Variants in PRIM2 observed in about 807,000 individuals in gnomAD.
PRIM2 encodes the protein DNA primase subunit 2.
A neutral mutation model predicts 67.3 loss-of-function variants in PRIM2; 39 were observed. That is an observed-to-expected ratio of 0.58 (90% CI 0.45 to 0.76). The LOEUF (loss-of-function observed/expected upper bound fraction) is 0.76, where lower values mean the gene tolerates loss of function less well. PRIM2 is among the 30% of genes least tolerant of loss of function. PRIM2 has a pLI of 0.00. For synonymous variants in PRIM2, 143 were observed against 198.7 expected (o/e 0.72, Z 2.36); for missense variants, 398 against 598.7 (o/e 0.66, Z 3.50).
intron 7 of PRIM2, among the ~76,000 whole-genome samples, chr6:57,443,904 T>C (rs974423815): frequency 1.1e-4 from 17 of 152,162 alleles, no homozygotes; most frequent in African/African-American, 3.1e-4. Context: ...TCTGGTCTTA[T>C]GTTTAAGTCT....
chr6:57,272,359 T>C, the PRIM2 span, among the ~76,000 whole-genome samples: 1 of 152,370 alleles, frequency 6.6e-6, no homozygotes, highest in South Asian at 2.1e-4. Context: ...CTTATTGAAT[T>C]GATCCCTTTA....
intron 10 of PRIM2, among the ~76,000 whole-genome samples, chr6:57,557,733 A>G (rs1775542616): frequency 2.0e-5 from 3 of 152,084 alleles, no homozygotes; most frequent in African/African-American, 4.8e-5. Flanking sequence ...GAGTTTACCT[A>G]TATAACAAAC....
At chr6:57,402,196 T>C (rs1770735025) in intron 7 of PRIM2, among the ~76,000 whole-genome samples, 1 of 152,142 alleles carries the variant, frequency 6.6e-6, no homozygotes, top group Non-Finnish European at 1.5e-5. Context: ...TACCTGGAGG[T>C]ATCAACAGTG....
the PRIM2 span, among the ~76,000 whole-genome samples, chr6:57,278,654 A>G: frequency 1.3e-5 from 2 of 152,162 alleles, no homozygotes; most frequent in African/African-American, 4.8e-5. Context: ...CACAATCAGG[A>G]CACAATGTGT....
At chr6:57,385,202 A>G (rs1299143540) in intron 7 of PRIM2, among the ~76,000 whole-genome samples, 5 of 152,170 alleles carry the variant, frequency 3.3e-5, no homozygotes, top group African/African-American at 1.2e-4. Context: ...TAAGTTTGTA[A>G]TAAATTCATT....
intron 5 of PRIM2, among the ~76,000 whole-genome samples, chr6:57,368,339 A>G (rs1290460895): frequency 2.6e-5 from 4 of 152,134 alleles, no homozygotes; most frequent in Non-Finnish European, 4.4e-5. Context: ...GGCACCAGGA[A>G]TCTGTAATTT....
intron 7 of PRIM2, among the ~76,000 whole-genome samples, chr6:57,459,730 T>G (rs1197134781): frequency 6.6e-6 from 1 of 152,168 alleles, no homozygotes; most frequent in Admixed American, 6.5e-5. Flanking sequence ...CAAAAACATG[T>G]TTTTGCTTTT....
chr6:57,311,248 T>TGGGGCAG (rs1767382340), upstream of PRIM2, among the ~76,000 whole-genome samples: 15 of 17,074 alleles, frequency 8.8e-4, no homozygotes, highest in East Asian at 3.1e-3. Flanking sequence ...GGACGGGGCA[T>TGGGGCAG]CCGGGCAGAG....
intron 10 of PRIM2, among the ~76,000 whole-genome samples, chr6:57,545,355 A>G (rs1186540478): frequency 6.6e-6 from 1 of 152,066 alleles, no homozygotes; most frequent in African/African-American, 2.4e-5. Flanking sequence ...TTTATCATGA[A>G]CATATACCAT....
At chr6:57,452,342 C>T (rs1177443546) in intron 7 of PRIM2, among the ~76,000 whole-genome samples, 1 of 152,144 alleles carries the variant, frequency 6.6e-6, no homozygotes, top group Admixed American at 6.5e-5. Flanking sequence ...AGTTCTAGAT[C>T]CCTGAGGAAT....
chr6:57,316,263 A>G (rs1182563648), upstream of PRIM2, among the ~76,000 whole-genome samples: 1 of 152,146 alleles, frequency 6.6e-6, no homozygotes, highest in Admixed American at 6.5e-5. Context: ...ATCTTTACTA[A>G]AAATACAAAA....
the PRIM2 span, among the ~76,000 whole-genome samples, chr6:57,235,780 C>A: frequency 6.6e-6 from 1 of 151,962 alleles, no homozygotes; most frequent in Non-Finnish European, 1.5e-5. Context: ...GGGTCAGAGC[C>A]AAAAAAGTAG....
chr6:57,274,619 C>T, the PRIM2 span, among the ~76,000 whole-genome samples: 98 of 152,368 alleles, frequency 6.4e-4, 1 homozygote, highest in East Asian at 0.012. Flanking sequence ...GTGCACGGTG[C>T]GCTGCACCCA....
intron 7 of PRIM2, among the ~76,000 whole-genome samples, chr6:57,480,699 G>A (rs1362904991): frequency 6.6e-6 from 1 of 152,094 alleles, no homozygotes; most frequent in Non-Finnish European, 1.5e-5. Flanking sequence ...TGCGATCTCC[G>A]CTCACTGCAA....
intron 5 of PRIM2, among the ~76,000 whole-genome samples, chr6:57,368,476 C>T (rs1769440798): frequency 6.6e-6 from 1 of 152,100 alleles, no homozygotes; most frequent in Admixed American, 6.5e-5. Context: ...TGATTGGAAG[C>T]TTATAGAAGC....
intron 7 of PRIM2, among the ~76,000 whole-genome samples, chr6:57,394,433 A>G (rs1770454176): frequency 6.6e-6 from 1 of 152,052 alleles, no homozygotes; most frequent in Non-Finnish European, 1.5e-5. Flanking sequence ...AGGTATTGTA[A>G]AAGGGATTGA....
chr6:57,527,109 T>A (rs2127466361), intron 8 of PRIM2, among the ~76,000 whole-genome samples: 1 of 152,358 alleles, frequency 6.6e-6, no homozygotes, highest in Non-Finnish European at 1.5e-5. Context: ...AGGGTTTTTT[T>A]ATTTTATGGC....
chr6:57,456,827 G>T (rs1287125578), intron 7 of PRIM2, among the ~76,000 whole-genome samples: 2 of 152,132 alleles, frequency 1.3e-5, no homozygotes, highest in Admixed American at 1.3e-4. Flanking sequence ...TCTGTTGCTG[G>T]TGAGGAGCTG....
chr6:57,439,571 A>G (rs928163562), intron 7 of PRIM2, among the ~76,000 whole-genome samples: 16 of 150,962 alleles, frequency 1.1e-4, no homozygotes, highest in Non-Finnish European at 2.4e-4. Flanking sequence ...ACCCGCCACC[A>G]CGCCCAGCTA....
Sources: gnomAD v4.1 joint callset for allele counts (sites outside exome capture counted in the v4.1 genomes callset) on GRCh38, gnomAD v4.1.1 for gene constraint, MANE v1.5 for transcripts, NCBI Gene and HGNC (gene_info 2026-07-23, HGNC 2026-07-21) for gene names.